Variants in CELF5 observed in about 807,000 individuals in gnomAD.
CELF5 encodes CUG-BP and ETR-3 like factor 5.
CELF5 carries 6 observed loss-of-function variants against 54.9 expected under a neutral mutation model. The observed-to-expected ratio is 0.11, with a 90% confidence interval of 0.06 to 0.22. The LOEUF is 0.22. CELF5 is among the 10% of genes least tolerant of loss of function. The pLI, the probability that CELF5 is intolerant of heterozygous loss-of-function variation, is 1.00. For synonymous variants in CELF5, 271 were observed against 290.9 expected (o/e 0.93, Z 0.70); for missense variants, 401 against 678.6 (o/e 0.59, Z 4.54).
At chr19:3,289,302 TCCCATCA>T (rs1203844652) in intron 10 of CELF5, among the ~76,000 whole-genome samples, 5 of 152,056 alleles carry the variant, frequency 3.3e-5, no homozygotes, top group South Asian at 4.1e-4. Context: ...ACCCCTGTAA[TCCCATCA>T]CCTTGGGAGT....
In CELF5 at chr19:3,281,482, A is replaced by G. The variant is rs1349937143; in HGVS notation, c.750+137A>G. 1.1e-6 allele frequency: 1 copy of G among 914,398 alleles called. No individual in the cohort carries two copies. The highest frequency in any genetic ancestry group is 1.7e-5 in the African/African-American group (1 of 60,286). The allele number at this position is 914,398 out of a possible 1,614,324, so 56.6% of individuals were successfully genotyped here. On this transcript the variant is annotated intron_variant, in intron 6 of 12. Transcript: ENST00000292672. This position sits in a 1 kb window ranked among gnomAD's most constrained non-coding sequence, Gnocchi z 6.5. ...CTGGCGTGGCTGAACCCCAACTCCAAATTGAGACCAAGCTCAGACCGAGCC... is the reference window on the plus strand; with the variant it reads ...CTGGCGTGGCTGAACCCCAACTCCAGATTGAGACCAAGCTCAGACCGAGCC...
rs1555725396 is a variant in CELF5, at chr19:3,278,868, C to T, written c.603+758C>T. 6.6e-6 allele frequency among the ~76,000 whole-genome samples: 1 copy of T among 151,914 alleles called. No homozygotes were observed. The highest frequency in any genetic ancestry group is 1.5e-5 in the Non-Finnish European group (1 of 67,990). On this transcript the variant is annotated intron_variant, in intron 5 of 12. Transcript: ENST00000292672. This position sits in a 1 kb window ranked among gnomAD's most constrained non-coding sequence, Gnocchi z 4.5. ...ACACCTGGGTTGGATTTGCTGAGGC[C>T]AGGAGAGGCCCTGACAAAAAGAAAG...
At chr19:3,226,440 TCACACACACA>T (rs71164666) in intron 1 of CELF5, among the ~76,000 whole-genome samples, 2,578 of 118,960 alleles carry the variant, frequency 0.022, 84 homozygotes, top group African/African-American at 0.078. Flanking sequence ...AAACCAACCA[TCACACACACA>T]CACACACACA....
intron 1 of CELF5, among the ~76,000 whole-genome samples, chr19:3,231,619 G>A (rs1369654538): frequency 6.6e-6 from 1 of 151,236 alleles, no homozygotes; most frequent in African/African-American, 2.4e-5. Flanking sequence ...ATGGATAGAT[G>A]GATGGATGGT....
intron 2 of CELF5, among the ~76,000 whole-genome samples, chr19:3,272,601 C>T (rs1199563363): frequency 1.3e-5 from 2 of 152,182 alleles, no homozygotes; most frequent in Non-Finnish European, 2.9e-5. Context: ...CCACTTCCTT[C>T]TGGCCCATTC....
Position 3,281,995 on chromosome 19 carries a change from A to G in CELF5, c.751-131A>G. The G allele has an allele frequency of 9.9e-7, 1 of 1,008,602 alleles. No individual in the cohort carries two copies. The highest frequency in any genetic ancestry group is 1.5e-6 in the Non-Finnish European group (1 of 658,400). The allele number at this position is 1,008,602 out of a possible 1,614,324, so 62.5% of individuals were successfully genotyped here. On this transcript the variant is annotated intron_variant, in intron 6 of 12. Coordinates refer to ENST00000292672, the MANE Select transcript of CELF5 (RefSeq NM_021938.4). This position sits in a 1 kb window ranked among gnomAD's most constrained non-coding sequence, Gnocchi z 6.5. ...AGCCTTGATCCCAGTCTGAGCTCCAATTCTGATCTCAGCCTGAGCCAAGAT... is the reference window on the plus strand; with the variant it reads ...AGCCTTGATCCCAGTCTGAGCTCCAGTTCTGATCTCAGCCTGAGCCAAGAT...
intron 2 of CELF5, among the ~76,000 whole-genome samples, chr19:3,269,906 T>C (rs529106657): frequency 2.0e-5 from 3 of 152,320 alleles, no homozygotes; most frequent in South Asian, 4.1e-4. Context: ...CCCTTCTTTC[T>C]GGTCTTGGTT....
intron 1 of CELF5, among the ~76,000 whole-genome samples, chr19:3,238,611 G>A (rs894658332): frequency 2.0e-5 from 3 of 152,038 alleles, no homozygotes; most frequent in Non-Finnish European, 4.4e-5. Flanking sequence ...TCATCTGTGC[G>A]TCTGCGTCTC....
intron 8 of CELF5, among the ~76,000 whole-genome samples, chr19:3,283,901 C>T (rs1045057425): frequency 6.6e-6 from 1 of 152,090 alleles, no homozygotes; most frequent in African/African-American, 2.4e-5. Context: ...TAGCTCGCTG[C>T]AGCCTTGAAC....
intron 3 of CELF5, 124 bp downstream of exon 3, chr19:3,274,047 C>A: frequency 3.3e-6 from 3 of 902,650 alleles, no homozygotes; most frequent in Admixed American, 2.1e-5. Flanking sequence ...CTGGAACTGG[C>A]CTCCCTGCCC....
chr19:3,251,719 C>G (rs76132317), intron 2 of CELF5, among the ~76,000 whole-genome samples: 10,704 of 144,418 alleles, frequency 0.074, 898 homozygotes, highest in East Asian at 0.43. Flanking sequence ...TTGTCACCCA[C>G]GCTGGAGTGC....
chr19:3,245,256 G>T (rs1204915208), intron 1 of CELF5, among the ~76,000 whole-genome samples: 1 of 147,642 alleles, frequency 6.8e-6, no homozygotes, highest in South Asian at 2.2e-4. Flanking sequence ...GTGTGTATGT[G>T]GTGTGTGTAT....
At chr19:3,246,240 T>C (rs928305133) in intron 1 of CELF5, among the ~76,000 whole-genome samples, 2 of 152,168 alleles carry the variant, frequency 1.3e-5, no homozygotes, top group African/African-American at 4.8e-5. Context: ...GGCGGACACC[T>C]GTAATCCCAG....
At chr19:3,262,211 T>G (rs1411094348) in intron 2 of CELF5, among the ~76,000 whole-genome samples, 1 of 152,064 alleles carries the variant, frequency 6.6e-6, no homozygotes, top group Non-Finnish European at 1.5e-5. Flanking sequence ...GTATTTTTAA[T>G]AGAGATGGCA....
At chr19:3,257,417 C>G (rs11669985) in intron 2 of CELF5, among the ~76,000 whole-genome samples, 30,528 of 152,066 alleles carry the variant, frequency 0.2, 3,519 homozygotes, top group East Asian at 0.54. Flanking sequence ...GACCAGGGGA[C>G]AGTAGCAACC....
At chr19:3,287,034 CAAAA>C (rs55661552) in intron 10 of CELF5, among the ~76,000 whole-genome samples, 28,542 of 103,248 alleles carry the variant, frequency 0.28, 2,889 homozygotes, top group Middle Eastern at 0.34. Context: ...GACTCCGTCT[CAAAA>C]AAAAAAAAAA....
chr19:3,293,998 C>G (rs1312421746), intron 12 of CELF5: 1 of 152,780 alleles, frequency 6.5e-6, no homozygotes, highest in Non-Finnish European at 1.5e-5. Flanking sequence ...CCAGTTGGCA[C>G]TGACAGCTTC....
At chr19:3,252,494 C>A (rs964128181) in intron 2 of CELF5, among the ~76,000 whole-genome samples, 3 of 152,186 alleles carry the variant, frequency 2.0e-5, no homozygotes, top group Non-Finnish European at 2.9e-5. Flanking sequence ...GGCGCCCCAC[C>A]TTGTGAGCTC....
At chr19:3,286,148 T>G in intron 10 of CELF5, 123 bp downstream of exon 10, 1 of 804,598 alleles carries the variant, frequency 1.2e-6, no homozygotes, top group South Asian at 2.0e-5. Flanking sequence ...GCCTGGGGGC[T>G]GGACAGGCCA....
Sources: gnomAD v4.1 joint callset for allele counts (sites outside exome capture counted in the v4.1 genomes callset) on GRCh38, gnomAD v4.1.1 for gene constraint, Gnocchi (gnomAD v3.1) non-coding constraint, MANE v1.5 for transcripts, NCBI Gene and HGNC (gene_info 2026-07-23, HGNC 2026-07-21) for gene names.